Variants in F2 observed in about 807,000 individuals in gnomAD.
F2 encodes coagulation factor II, thrombin.
A neutral mutation model predicts 81.9 loss-of-function variants in F2; 34 were observed. The ratio of observed to expected loss-of-function variants is 0.42; its 90% CI spans 0.32 to 0.55. The LOEUF (loss-of-function observed/expected upper bound fraction) is 0.55, where lower values mean the gene tolerates loss of function less well. F2 is among the 20% of genes least tolerant of loss of function. F2 has a pLI of 0.18. For missense variants in F2, 630 were observed against 833.4 expected (o/e 0.76, Z 3.00); for synonymous variants, 296 against 326.4 (o/e 0.91, Z 1.01).
intron 11 of F2, among the ~76,000 whole-genome samples, chr11:46,729,103 CT>C (rs2064894484): frequency 6.6e-6 from 1 of 152,138 alleles, no homozygotes; most frequent in Non-Finnish European, 1.5e-5. Context: ...TCAAGCGACT[CT>C]CCTGCCTCAG....
At position 46,728,021 on chromosome 11, in the gene F2, C is replaced by T. The variant is rs5897; in HGVS notation, c.1156C>T (p.Pro386Ser). 2 of 1,610,786 alleles carry T rather than the reference C, an allele frequency of 1.2e-6. No homozygotes were observed. The highest frequency in any genetic ancestry group is 1.3e-5 in the African/African-American group (1 of 74,952). The change falls in exon 10 of 14, where the codon CCC becomes TCC. Residue 386 changes from proline to serine, a missense_variant. Coordinates refer to ENST00000311907, the MANE Select transcript of F2 (RefSeq NM_000506.5). This position sits in a 1 kb window ranked among gnomAD's most constrained non-coding sequence, Gnocchi z 5.1. Reference sequence around the variant, plus strand: ...GCAGGTGATGCTTTTCCGGAAGAGTCCCCAGGAGCTGCTGTGTGGGGCCAG... The same window carrying T: ...GCAGGTGATGCTTTTCCGGAAGAGTTCCCAGGAGCTGCTGTGTGGGGCCAG... ...PWQVMLFRKS[P>S]QELLCGASLI...
intron 6 of F2, 115 bp from the exon 7 acceptor site, chr11:46,725,744 A>C: frequency 8.3e-7 from 1 of 1,203,534 alleles, no homozygotes; most frequent in Non-Finnish European, 1.2e-6. Context: ...AGAGAGGTTA[A>C]GTAACCTGAG....
In F2 at chr11:46,727,026, G is replaced by C. The variant is rs372215929; in HGVS notation, c.1130+189G>C. On this transcript the variant is annotated intron_variant, in intron 9 of 13. Coordinates refer to ENST00000311907, the MANE Select transcript of F2 (RefSeq NM_000506.5). ...ACTTCTTTTTTTTTGTTTCTTAGATGGAGTCTTGCTCTGTCACCTAGGCTG... is the reference window on the plus strand; with the variant it reads ...ACTTCTTTTTTTTTGTTTCTTAGATCGAGTCTTGCTCTGTCACCTAGGCTG... 1.1e-4 allele frequency among the ~76,000 whole-genome samples: 17 copies of C among 152,242 alleles called. 2 individuals are homozygous for C. The highest frequency in any genetic ancestry group is 7.7e-4 in the East Asian group (4 of 5,180).
At position 46,726,100 on chromosome 11, in the gene F2, G is replaced by T. The variant is rs752552095; in HGVS notation, c.801G>T (p.Gly267=). ...AGAACTTCTGCCGCAACCCAGACGG[G>T]GATGAGGAGGGCGTGTGGTGCTATG... is the stretch of plus-strand genomic sequence containing the variant. The part of the protein sequence containing the change: ...LVENFCRNPD[G]DEEGVWCYVA... Residue 267 remains glycine (G), a synonymous_variant, in exon 7 of 14, where the codon GGG becomes GGT. Coordinates refer to ENST00000311907, the MANE Select transcript of F2 (RefSeq NM_000506.5). The surrounding 1 kb of genome is among the most constrained non-coding windows in gnomAD (Gnocchi z 5.9). The T allele has an allele frequency of 1.2e-6, 2 of 1,614,216 alleles. No individual in the cohort carries two copies. The highest frequency in any genetic ancestry group is 1.1e-5 in the South Asian group (1 of 91,088).
chr11:46,720,422 G>T, intron 2 of F2, 101 bp from the exon 3 acceptor site: 2 of 1,378,898 alleles, frequency 1.5e-6, no homozygotes, highest in Non-Finnish European at 2.1e-6. Context: ...TGCCCCCTGC[G>T]TGACCAGGGT....
At chr11:46,721,923 A>G (rs528052450) in intron 4 of F2, among the ~76,000 whole-genome samples, 2 of 151,478 alleles carry the variant, frequency 1.3e-5, no homozygotes, top group South Asian at 4.2e-4. Context: ...GCTCGCTGCA[A>G]CCTCCGCCTA....
chr11:46,736,811 T>C (rs2064946858), intron 12 of F2, among the ~76,000 whole-genome samples: 1 of 152,240 alleles, frequency 6.6e-6, no homozygotes, highest in South Asian at 2.1e-4. Context: ...TGTTTTTCCA[T>C]ATGAACTTTA....
At chr11:46,720,995 T>C (rs1195216459) in intron 4 of F2, among the ~76,000 whole-genome samples, 155 bp downstream of exon 4, 1 of 152,042 alleles carries the variant, frequency 6.6e-6, no homozygotes, top group African/African-American at 2.4e-5. Flanking sequence ...TCTTTGTACC[T>C]GGCTCTGTGT....
rs1158990088 is a variant in F2 at position 46,719,838 on chromosome 11, G to A, written c.216G>A (p.Glu72=). 2.5e-6 allele frequency: 4 copies of A among 1,578,696 alleles called. No homozygotes were observed. Among genetic ancestry groups the A allele is most frequent in the African/African-American group, 1.3e-5 (1 of 74,248 alleles). Residue 72 remains glutamate, a synonymous_variant, in exon 2 of 14, where the codon GAG becomes GAA. Transcript: ENST00000311907. This position sits in a 1 kb window ranked among gnomAD's most constrained non-coding sequence, Gnocchi z 4.7. ...EETCSYEEAF[E]ALESSTATDV... ...CGTGCAGCTACGAGGAGGCCTTCGA[G>A]GCTCTGGAGTCCTCCACGGCTACGG...
intron 4 of F2, among the ~76,000 whole-genome samples, chr11:46,722,459 G>A (rs1032010067): frequency 2.0e-5 from 3 of 151,964 alleles, no homozygotes; most frequent in Admixed American, 6.6e-5. Flanking sequence ...GTGGTGGCAC[G>A]CGCCTGTAAT....
intron 6 of F2, among the ~76,000 whole-genome samples, chr11:46,725,348 T>G (rs1187668730): frequency 6.6e-6 from 1 of 151,808 alleles, no homozygotes; most frequent in African/African-American, 2.4e-5. Flanking sequence ...GGATTACAGG[T>G]GTAAGCCACT....
In F2 at chr11:46,723,410, G is replaced by A. The variant is rs149943083; in HGVS notation, c.451G>A (p.Asp151Asn). Residue 151 changes from aspartate to asparagine, a missense_variant, in exon 6 of 14, where the codon GAC becomes AAC. Asp to Asn is a conservative substitution (Grantham distance 23, BLOSUM62 1). Transcript: ENST00000311907. This position sits in a 1 kb window ranked among gnomAD's most constrained non-coding sequence, Gnocchi z 5.6. The stretch of plus-strand genomic sequence containing the variant: ...CAACTCCACTACCCATCCTGGGGCC[G>A]ACCTACAGGAGAATTTCTGCCGCAA... The part of the protein sequence containing the change: ...EINSTTHPGA[D>N]LQENFCRNPD... The A allele has an allele frequency of 1.1e-5, 17 of 1,614,040 alleles. No individual in the cohort carries two copies. Among genetic ancestry groups the A allele is most frequent in the South Asian group, 2.2e-5 (2 of 91,078 alleles).
At chr11:46,737,229 C>T (rs1038413059) in intron 12 of F2, among the ~76,000 whole-genome samples, 10 of 151,714 alleles carry the variant, frequency 6.6e-5, no homozygotes. Context: ...GCAACCTCCA[C>T]CTCCTGGGTT....
chr11:46,726,272 G>T lies in F2; in HGVS notation c.874+99G>T. 2 of 1,499,490 alleles carry T rather than the reference G, an allele frequency of 1.3e-6. No homozygotes were observed. The highest frequency in any genetic ancestry group is 1.9e-5 in the Admixed American group (1 of 53,734). 92.9% of individuals were successfully genotyped at this position (1,499,490 alleles called of 1,614,324 possible). A position where few individuals can be genotyped will look rare whatever the true frequency, so the allele number is the denominator to read the frequency against. Reference sequence around the variant, plus strand: ...ATCGAACGCTTACCTCATTGAGTGCGCTCATTACAGCCTTACAGTAACCAG... The same window carrying T: ...ATCGAACGCTTACCTCATTGAGTGCTCTCATTACAGCCTTACAGTAACCAG... On this transcript the variant is annotated intron_variant, in intron 7 of 13. Transcript: ENST00000311907. The surrounding 1 kb of genome is among the most constrained non-coding windows in gnomAD (Gnocchi z 5.9).
rs933834003 is a variant in F2, at chr11:46,729,295, G to A, written c.1473-85G>A. The A allele has an allele frequency of 3.4e-6, 5 of 1,473,778 alleles. No homozygotes were observed. In the Admixed American group the frequency reaches 9.0e-5, roughly 27 times the overall value. The allele number at this position is 1,473,778 out of a possible 1,614,324, so 91.3% of individuals were successfully genotyped here. A position where few individuals can be genotyped will look rare whatever the true frequency, so the allele number is the denominator to read the frequency against. On this transcript the variant is annotated intron_variant, in intron 11 of 13. Coordinates refer to ENST00000311907, the MANE Select transcript of F2 (RefSeq NM_000506.5). ...GTGCCCAGCCAGCTCTGGCGTTTTA[G>A]ATTCTGGTCTCTAAGAAATGGCGTT...
Position 46,728,841 on chromosome 11 carries a change from G to A in F2, c.1472+4G>A. On this transcript the variant is annotated splice_donor_region_variant and intron_variant, in intron 11 of 13. Coordinates refer to ENST00000311907, the MANE Select transcript of F2 (RefSeq NM_000506.5). This position sits in a 1 kb window ranked among gnomAD's most constrained non-coding sequence, Gnocchi z 5.1. ...CCGACAGGGAGACGGCAGCCAGGTG[G>A]GCCACCAGATGCTTGTTAGCTGAGG... 6.2e-7 allele frequency: 1 copy of A among 1,613,574 alleles called. No individual in the cohort carries two copies. Among genetic ancestry groups the A allele is most frequent in the Non-Finnish European group, 8.5e-7 (1 of 1,180,002 alleles).
chr11:46,726,699 C>A lies in F2; in HGVS notation c.1004-12C>A. The A allele has an allele frequency of 6.2e-6, 10 of 1,613,814 alleles. No homozygotes were observed. Among genetic ancestry groups the A allele is most frequent in the Non-Finnish European group, 8.5e-6 (10 of 1,179,608 alleles). On this transcript the variant is annotated splice_polypyrimidine_tract_variant and intron_variant, in intron 8 of 13. Coordinates refer to ENST00000311907, the MANE Select transcript of F2 (RefSeq NM_000506.5). This position sits in a 1 kb window ranked among gnomAD's most constrained non-coding sequence, Gnocchi z 5.9. ...CCAGGACTTGCCCCTCACTGCTTGG[C>A]TTGCTCTGCAGACTGTGGGCTGCGA...
intron 12 of F2, among the ~76,000 whole-genome samples, chr11:46,730,885 G>T (rs1457272387): frequency 1.3e-5 from 2 of 149,786 alleles, no homozygotes; most frequent in African/African-American, 2.4e-5. Flanking sequence ...AATACCCAAG[G>T]ATGTTCTCTT....
chr11:46,729,357 A>G (rs763057926), intron 11 of F2, 23 bp from the exon 12 acceptor site: 1 of 1,611,562 alleles, frequency 6.2e-7, no homozygotes, highest in Admixed American at 1.7e-5. Flanking sequence ...GGCTCTCACT[A>G]GGCCCTTCTT....
Sources: allele counts gnomAD v4.1 joint callset (sites outside exome capture counted in the v4.1 genomes callset), GRCh38; gene constraint gnomAD v4.1.1; non-coding constraint Gnocchi (gnomAD v3.1); transcripts MANE v1.5; gene names NCBI Gene and HGNC (gene_info 2026-07-23, HGNC 2026-07-21).